The following TP73 variants were observed in gnomAD, a reference collection of about 807,000 sequenced individuals.
The protein encoded by TP73 is tumor protein p73.
TP73 carries 25 observed loss-of-function variants against 62.5 expected under a neutral mutation model. The ratio of observed to expected loss-of-function variants is 0.40; its 90% CI spans 0.29 to 0.56. The LOEUF (loss-of-function observed/expected upper bound fraction) is 0.56. Ranked by LOEUF, TP73 falls within the 20% of genes least tolerant of loss-of-function variation. The pLI, the probability that TP73 is intolerant of heterozygous loss-of-function variation, is 0.46. For missense variants in TP73, 754 were observed against 913.3 expected (o/e 0.83, Z 2.25); for synonymous variants, 423 against 377.5 (o/e 1.12, Z -1.40).
intron 13 of TP73, 108 bp downstream of exon 13, chr1:3,731,664 A>T (rs1169006470): frequency 8.0e-6 from 8 of 1,001,330 alleles, no homozygotes; most frequent in Non-Finnish European, 1.2e-5. Flanking sequence ...AAACTTGGAA[A>T]CCCTTTCCCA....
Position 3,724,766 on chromosome 1 carries a change from C to T in TP73, c.732+1297C>T, listed in dbSNP as rs558434319. On this transcript the variant is annotated intron_variant, in intron 6 of 13. Transcript: ENST00000378295. The stretch of plus-strand genomic sequence containing the variant: ...GGGCGCAGTGGCTCACGCCTGTAAT[C>T]CAAGCACTTTGGGAGGCCAAGGCGG... Among the ~76,000 whole-genome samples the T allele has an allele frequency of 2.5e-4, 38 of 152,352 alleles. No homozygotes were observed. The South Asian group carries it at 7.9e-3, about 32-fold the overall frequency.
rs925443063 is a variant in TP73 at position 3,711,901 on chromosome 1, G to C, written c.429+4110G>C. On this transcript the variant is annotated intron_variant, in intron 4 of 13. Transcript: ENST00000378295. ...ATGTGCACACATGTTTGTCTTAGGGGAGAGCTGGCTCCACGGGTAGGAAAG... is the reference window on the plus strand; with the variant it reads ...ATGTGCACACATGTTTGTCTTAGGGCAGAGCTGGCTCCACGGGTAGGAAAG... Among the ~76,000 whole-genome samples the C allele has an allele frequency of 1.1e-4, 17 of 151,896 alleles. 2 individuals carry two copies. In the Middle Eastern group the frequency reaches 0.014, roughly 122 times the overall value.
intron 4 of TP73, among the ~76,000 whole-genome samples, chr1:3,720,781 G>T (rs1337065864): frequency 6.6e-6 from 1 of 152,248 alleles, no homozygotes; most frequent in Non-Finnish European, 1.5e-5. Context: ...GGCCAGTGGG[G>T]GTCAGGGGGT....
At chr1:3,730,269 C>T (rs1570648816) in intron 11 of TP73, 121 bp downstream of exon 11, 2 of 1,188,502 alleles carry the variant, frequency 1.7e-6, no homozygotes, top group East Asian at 2.8e-5. Context: ...CTGGCTCCTT[C>T]CAGCGGTTCC....
At chr1:3,730,710 C>T (rs1212578257) in intron 11 of TP73, among the ~76,000 whole-genome samples, 1 of 152,164 alleles carries the variant, frequency 6.6e-6, no homozygotes, top group Non-Finnish European at 1.5e-5. Flanking sequence ...GCCCCGTACG[C>T]ACGGTCACCC....
chr1:3,726,837 G>A (rs994619843), intron 6 of TP73, among the ~76,000 whole-genome samples: 8 of 147,560 alleles, frequency 5.4e-5, no homozygotes, highest in African/African-American at 1.8e-4. Flanking sequence ...GGATAGATGG[G>A]TGGGTGGATG....
rs548820802 is a variant in TP73 at position 3,692,997 on chromosome 1, T to C, written c.186+9817T>C. Among the ~76,000 whole-genome samples, 9 of 152,328 alleles carry C rather than the reference T, an allele frequency of 5.9e-5. No homozygotes were observed. The East Asian group carries it at 1.7e-3, about 29-fold the overall frequency. On this transcript the variant is annotated intron_variant, in intron 3 of 13. Coordinates refer to ENST00000378295, the MANE Select transcript of TP73 (RefSeq NM_005427.4). ...TTTTTACACCAAGGATTACTGTGGT[T>C]CGTTCGTTCATTTGTCCATTCATTC...
At position 3,722,003 on chromosome 1, in the gene TP73, C is replaced by T. The variant is rs61023021; in HGVS notation, c.430-18C>T. 30,626 of 1,590,324 alleles carry T rather than the reference C, an allele frequency of 0.019. 4,549 individuals carry two copies. The African/African-American group carries it at 0.34, about 18-fold the overall frequency. ...GTTGGGACCACTGGTCTCACCCGCTCCCTCTCCCCCACTCCAGTACTCCCC... is the reference window on the plus strand; with the variant it reads ...GTTGGGACCACTGGTCTCACCCGCTTCCTCTCCCCCACTCCAGTACTCCCC... On this transcript the variant is annotated intron_variant, in intron 4 of 13. Coordinates refer to ENST00000378295, the MANE Select transcript of TP73 (RefSeq NM_005427.4).
rs571728165 is a variant in TP73 at position 3,689,623 on chromosome 1, C to CCGGCT, written c.186+6445_186+6449dup. Among the ~76,000 whole-genome samples the CCGGCT allele has an allele frequency of 4.3e-4, 65 of 152,246 alleles. 1 individual carries two copies. Among genetic ancestry groups the CCGGCT allele is most frequent in the African/African-American group, 1.6e-3 (65 of 41,556 alleles). ...GGGGTGGGGAGCGATGAGGCCCCTG[C>CCGGCT]CGGCTCTCGGTGGGGACGACAGGGA... On this transcript the variant is annotated intron_variant, in intron 3 of 13. Transcript: ENST00000378295.
intron 3 of TP73, among the ~76,000 whole-genome samples, chr1:3,693,555 C>T (rs1409030763): frequency 2.6e-5 from 4 of 152,152 alleles, no homozygotes; most frequent in African/African-American, 7.2e-5. Context: ...GAGCCTCAGT[C>T]TCCTCTATGA....
chr1:3,730,672 C>T (rs897533560), intron 11 of TP73, among the ~76,000 whole-genome samples: 2 of 152,158 alleles, frequency 1.3e-5, no homozygotes, highest in Non-Finnish European at 1.5e-5. Flanking sequence ...CACTCCAGTG[C>T]CAGCTGCGAT....
intron 1 of TP73, among the ~76,000 whole-genome samples, chr1:3,665,819 C>CTTTT (rs140454580): frequency 1.0e-5 from 1 of 96,906 alleles, no homozygotes; most frequent in Non-Finnish European, 1.9e-5. Flanking sequence ...CGTGCCCGGC[C>CTTTT]TTTTTTTTTT....
chr1:3,716,786 T>A (rs769409262), intron 4 of TP73, among the ~76,000 whole-genome samples: 1 of 152,140 alleles, frequency 6.6e-6, no homozygotes, highest in Non-Finnish European at 1.5e-5. Flanking sequence ...GGCTCAGGCA[T>A]GTGTTTTAGG....
At position 3,699,115 on chromosome 1, in the gene TP73, G is replaced by A. The variant is rs186512509; in HGVS notation, c.187-8434G>A. Reference sequence around the variant, plus strand: ...TGTGGATGAGAGCAGAGGGTGCTGTGTGCACATTGTCGGGAGAGGGAGGCT... The same window carrying A: ...TGTGGATGAGAGCAGAGGGTGCTGTATGCACATTGTCGGGAGAGGGAGGCT... On this transcript the variant is annotated intron_variant, in intron 3 of 13. Coordinates refer to ENST00000378295, the MANE Select transcript of TP73 (RefSeq NM_005427.4). This position sits in a 1 kb window ranked among gnomAD's most constrained non-coding sequence, Gnocchi z 4.1. Among the ~76,000 whole-genome samples the A allele has an allele frequency of 2.0e-3, 311 of 152,298 alleles. 1 individual carries two copies. The highest frequency in any genetic ancestry group is 4.0e-3 in the Admixed American group (61 of 15,296).
intron 1 of TP73, among the ~76,000 whole-genome samples, chr1:3,681,142 A>G (rs1328975874): frequency 1.3e-5 from 2 of 152,272 alleles, no homozygotes; most frequent in South Asian, 4.1e-4. Context: ...CGTGGCAGCC[A>G]CAGGCTTCTA....
At chr1:3,725,507 AATGGATGGGTGGGTGGACGG>A (rs901053156) in intron 6 of TP73, among the ~76,000 whole-genome samples, 2 of 119,174 alleles carry the variant, frequency 1.7e-5, no homozygotes, top group Non-Finnish European at 3.5e-5. Flanking sequence ...TGAATGGGTG[AATGGATGGGTGGGTGGACGG>A]ATGGATGAAT....
intron 3 of TP73, among the ~76,000 whole-genome samples, chr1:3,691,590 G>A (rs975137404): frequency 6.6e-6 from 1 of 152,144 alleles, no homozygotes; most frequent in Non-Finnish European, 1.5e-5. Flanking sequence ...GCTTGTGGTT[G>A]GCCCCTGCAG....
chr1:3,653,400 G>A (rs959124384), intron 1 of TP73, among the ~76,000 whole-genome samples: 9 of 152,260 alleles, frequency 5.9e-5, no homozygotes, highest in Non-Finnish European at 7.3e-5. Flanking sequence ...TGGACTTGGG[G>A]AGCGATGATT....
chr1:3,718,502 G>A (rs921388678), intron 4 of TP73, among the ~76,000 whole-genome samples: 3 of 152,180 alleles, frequency 2.0e-5, no homozygotes, highest in African/African-American at 7.2e-5. Flanking sequence ...AGGCCCAGGC[G>A]GGCGGGAGCT....
Sources: gnomAD v4.1 joint callset for allele counts (sites outside exome capture counted in the v4.1 genomes callset) on GRCh38, gnomAD v4.1.1 for gene constraint, Gnocchi (gnomAD v3.1) non-coding constraint, MANE v1.5 for transcripts, NCBI Gene and HGNC (gene_info 2026-07-23, HGNC 2026-07-21) for gene names.